CACNB4: variants seen among roughly 807,000 people sequenced by gnomAD.
CACNB4 encodes the protein calcium voltage-gated channel auxiliary subunit beta 4, also known as voltage-dependent L-type calcium channel subunit beta-4.
In CACNB4, 32 loss-of-function variants were observed where a neutral mutation model predicts 71.2. That is an observed-to-expected ratio of 0.45 (90% confidence interval 0.34 to 0.60). CACNB4 has a LOEUF of 0.60. Among genes scored for constraint, CACNB4 ranks in the 20% least tolerant of loss-of-function variants. CACNB4 has a pLI of 0.01. For missense variants in CACNB4, 464 were observed against 647.9 expected, an observed-to-expected ratio of 0.72 and a Z score of 3.08; for synonymous variants, 231 against 236.9, an observed-to-expected ratio of 0.97 and a Z score of 0.23.
At position 152,086,905 on chromosome 2, in the gene CACNB4, C is replaced by A. The variant is rs966307682; in HGVS notation, c.147+11425G>T. 4.6e-5 allele frequency among the ~76,000 whole-genome samples: 7 copies of A among 151,934 alleles called. No individual in the cohort carries two copies. In the South Asian group the frequency reaches 1.5e-3, roughly 32 times the overall value. On this transcript the variant is annotated intron_variant, in intron 2 of 13. Transcript: ENST00000539935. ...CAACACTTTAGGAGGCTGAGGTGGG[C>A]GGATCACCTGAGATTGGGAGTTCGA...
At chr2:151,846,381 C>T (rs1031742263) in intron 12 of CACNB4, among the ~76,000 whole-genome samples, 2 of 152,012 alleles carry the variant, frequency 1.3e-5, no homozygotes, top group Non-Finnish European at 2.9e-5. Context: ...TCCTTAATGA[C>T]TATAAAATAC....
intron 2 of CACNB4, among the ~76,000 whole-genome samples, chr2:152,023,592 G>A (rs554705839): frequency 2.6e-5 from 4 of 151,696 alleles, no homozygotes; most frequent in Non-Finnish European, 4.4e-5. Flanking sequence ...CTGCCACCAC[G>A]CCCAGCTAAT....
intron 2 of CACNB4, among the ~76,000 whole-genome samples, chr2:151,930,119 A>G (rs1342361803): frequency 6.6e-6 from 1 of 152,198 alleles, no homozygotes; most frequent in African/African-American, 2.4e-5. Flanking sequence ...ATAAAGCTAC[A>G]GTAATTGAAA....
At position 152,098,827 on chromosome 2, in the gene CACNB4, GC is replaced by G; in HGVS notation, c.63+121del. 1 of 921,472 alleles carries G rather than the reference GC, an allele frequency of 1.1e-6. No homozygotes were observed. Among genetic ancestry groups the G allele is most frequent in the Non-Finnish European group, 1.6e-6 (1 of 623,772 alleles). 57.1% of individuals were successfully genotyped at this position (921,472 alleles called of 1,614,324 possible). A position where few individuals can be genotyped will look rare whatever the true frequency, so the allele number is the denominator to read the frequency against. On this transcript the variant is annotated intron_variant, in intron 1 of 13. Coordinates refer to ENST00000539935, the MANE Select transcript of CACNB4 (RefSeq NM_000726.5). The surrounding 1 kb of genome is among the most constrained non-coding windows in gnomAD (Gnocchi z 5.3). ...GTGGAGGAGGGGTGGGGGGAGCGGG[GC>G]CGCCGACTCCCGGGACTGGGGCCCC...
chr2:151,916,527 T>G (rs1208202418), intron 2 of CACNB4, among the ~76,000 whole-genome samples: 1 of 152,210 alleles, frequency 6.6e-6, no homozygotes, highest in Non-Finnish European at 1.5e-5. Context: ...TATCACCAGT[T>G]TTAAAATAGT....
intron 2 of CACNB4, among the ~76,000 whole-genome samples, chr2:152,096,881 G>T (rs1688299366): frequency 6.6e-6 from 1 of 152,198 alleles, no homozygotes; most frequent in African/African-American, 2.4e-5. Flanking sequence ...CTTATGGAAA[G>T]AACTGCTGTG....
chr2:151,840,866 G>A (rs1300766910), intron 13 of CACNB4, among the ~76,000 whole-genome samples: 3 of 152,134 alleles, frequency 2.0e-5, no homozygotes, highest in Admixed American at 6.5e-5. Flanking sequence ...AGTTTGCTGC[G>A]GGTTTGGCCA....
At position 151,897,644 on chromosome 2, in the gene CACNB4, T is replaced by TG. The variant is rs1369024145; in HGVS notation, c.148-14275_148-14274insC. Among the ~76,000 whole-genome samples, 3 of 152,214 alleles carry TG rather than the reference T, an allele frequency of 2.0e-5. No individual in the cohort carries two copies. In the East Asian group the frequency reaches 5.8e-4, roughly 29 times the overall value. On this transcript the variant is annotated intron_variant, in intron 2 of 13. Coordinates refer to ENST00000539935, the MANE Select transcript of CACNB4 (RefSeq NM_000726.5). ...AGGGAATATAAGGAGAGGAGGTGGT[T>TG]ACTCATACGAGAGCTGGCGTACAAT...
At chr2:152,010,761 G>C (rs1683008895) in intron 2 of CACNB4, among the ~76,000 whole-genome samples, 1 of 152,220 alleles carries the variant, frequency 6.6e-6, no homozygotes, top group Non-Finnish European at 1.5e-5. Flanking sequence ...TGCCCAACCA[G>C]GGTCAATGAT....
chr2:151,853,705 C>T (rs35174334), intron 11 of CACNB4, 162 bp from the exon 12 acceptor site: 48,305 of 511,974 alleles, frequency 0.094, 2,597 homozygotes, highest in African/African-American at 0.17. Context: ...CATCTGCTTA[C>T]ATTGGCTCTC....
chr2:151,969,773 G>C (rs1035211080), intron 2 of CACNB4: 3 of 152,150 alleles, frequency 2.0e-5, no homozygotes, highest in African/African-American at 4.8e-5. Context: ...ATTTAAGTAT[G>C]TGCTTTTATA....
chr2:151,967,356 T>G (rs956451687), intron 2 of CACNB4: 2 of 152,224 alleles, frequency 1.3e-5, no homozygotes, highest in Non-Finnish European at 2.9e-5. Flanking sequence ...GCGCCTGGTC[T>G]GTCTCCACTT....
At chr2:151,864,777 T>C (rs145696059) in intron 9 of CACNB4, among the ~76,000 whole-genome samples, 102 of 152,290 alleles carry the variant, frequency 6.7e-4, no homozygotes, top group Admixed American at 1.1e-3. Context: ...AGGTTATATA[T>C]AAAAGCGCAT....
intron 2 of CACNB4, among the ~76,000 whole-genome samples, chr2:152,044,962 C>T (rs755824593): frequency 2.0e-5 from 3 of 150,576 alleles, no homozygotes; most frequent in South Asian, 2.1e-4. Flanking sequence ...GGGGAAGAGA[C>T]GGTGGGGGGT....
chr2:151,921,735 T>C (rs2099859071), intron 2 of CACNB4, among the ~76,000 whole-genome samples: 1 of 152,156 alleles, frequency 6.6e-6, no homozygotes, highest in South Asian at 2.1e-4. Context: ...TGGAGGGCGA[T>C]TGGATTATGG....
At chr2:152,073,294 A>G (rs1686801910) in intron 2 of CACNB4, among the ~76,000 whole-genome samples, 1 of 152,172 alleles carries the variant, frequency 6.6e-6, no homozygotes, top group Admixed American at 6.6e-5. Context: ...GTCGAGAAGG[A>G]AAGACCATCT....
At chr2:152,088,829 C>T (rs942015298) in intron 2 of CACNB4, among the ~76,000 whole-genome samples, 1 of 152,138 alleles carries the variant, frequency 6.6e-6, no homozygotes, top group Non-Finnish European at 1.5e-5. Flanking sequence ...TTTACAAAGG[C>T]GCATGTTTAC....
intron 12 of CACNB4, among the ~76,000 whole-genome samples, chr2:151,844,994 C>G (rs145786739): frequency 6.6e-6 from 1 of 152,124 alleles, no homozygotes; most frequent in Non-Finnish European, 1.5e-5. Flanking sequence ...ATACCTAGGC[C>G]GGATGGGTCC....
At position 152,027,028 on chromosome 2, in the gene CACNB4, T is replaced by G. The variant is rs867946073; in HGVS notation, c.147+71302A>C. Among the ~76,000 whole-genome samples, 48 of 152,098 alleles carry G rather than the reference T, an allele frequency of 3.2e-4. 1 individual carries two copies. The highest frequency in any genetic ancestry group is 9.7e-4 in the African/African-American group (40 of 41,412). ...TTCAAGCGATTCTTCTACCCCAGCCTCCTCAGTAGCTGGGATTACAGGCAC... is the reference window on the plus strand; with the variant it reads ...TTCAAGCGATTCTTCTACCCCAGCCGCCTCAGTAGCTGGGATTACAGGCAC... On this transcript the variant is annotated intron_variant, in intron 2 of 13. Coordinates refer to ENST00000539935, the MANE Select transcript of CACNB4 (RefSeq NM_000726.5).
Sources: gnomAD v4.1 joint callset for allele counts (sites outside exome capture counted in the v4.1 genomes callset) on GRCh38, gnomAD v4.1.1 for gene constraint, Gnocchi (gnomAD v3.1) non-coding constraint, MANE v1.5 for transcripts, NCBI Gene and HGNC (gene_info 2026-07-23, HGNC 2026-07-21) for gene names.